Variants in PHF24 observed in about 807,000 individuals in gnomAD.
PHF24 encodes the protein PHD finger protein 24, also known as Galpha inhibitory interacting protein.
PHF24 carries 25 observed loss-of-function variants against 42.6 expected under a neutral mutation model. The ratio of observed to expected loss-of-function variants is 0.59; its 90% CI spans 0.43 to 0.82. The LOEUF is 0.82. Among genes scored for constraint, PHF24 ranks in the 40% least tolerant of loss-of-function variants. The pLI, the probability that PHF24 is intolerant of heterozygous loss-of-function variation, is 0.00. For missense variants in PHF24, 470 were observed against 538.1 expected (o/e 0.87, Z 1.25); for synonymous variants, 185 against 204.8 (o/e 0.90, Z 0.83).
the PHF24 span, among the ~76,000 whole-genome samples, chr9:34,883,956 G>A: frequency 1.3e-5 from 2 of 152,198 alleles, no homozygotes; most frequent in Non-Finnish European, 2.9e-5. Flanking sequence ...CAAAGACTTG[G>A]AACCAGCCCA....
the PHF24 span, among the ~76,000 whole-genome samples, chr9:34,863,415 C>CAGAGAG: frequency 6.9e-4 from 102 of 147,060 alleles, no homozygotes; most frequent in South Asian, 3.3e-3. Context: ...GCTGGCTCAT[C>CAGAGAG]AGAGAGAGAG....
the PHF24 span, among the ~76,000 whole-genome samples, chr9:34,815,864 G>A: frequency 6.6e-6 from 1 of 152,012 alleles, no homozygotes; most frequent in Non-Finnish European, 1.5e-5. Flanking sequence ...GATGAATATA[G>A]CAGTCTCATG....
the PHF24 span, chr9:34,665,717 C>T: frequency 1.0e-5 from 7 of 699,992 alleles, no homozygotes; most frequent in African/African-American, 7.0e-5. Flanking sequence ...GATTCCCTAG[C>T]CCCAGGTCCC....
At chr9:34,810,517 A>T in the PHF24 span, among the ~76,000 whole-genome samples, 20 of 152,120 alleles carry the variant, frequency 1.3e-4, no homozygotes, top group African/African-American at 4.8e-4. Context: ...ACCGCCTGGG[A>T]ACATAGGGGA....
the PHF24 span, among the ~76,000 whole-genome samples, chr9:34,700,635 G>A: frequency 6.6e-6 from 1 of 152,152 alleles, no homozygotes; most frequent in South Asian, 2.1e-4. Context: ...AGGTAGCTGG[G>A]ATGAGTCTGG....
the PHF24 span, among the ~76,000 whole-genome samples, chr9:34,763,214 G>GT: frequency 1.3e-5 from 2 of 151,568 alleles, no homozygotes; most frequent in Non-Finnish European, 2.9e-5. Flanking sequence ...CTTTAAAGTA[G>GT]TTTTTTCCAA....
At chr9:34,690,925 C>T in the PHF24 span, among the ~76,000 whole-genome samples, 12 of 152,308 alleles carry the variant, frequency 7.9e-5, no homozygotes, top group East Asian at 2.1e-3. Context: ...CCCACACTTA[C>T]AGGCACACAT....
At chr9:34,714,117 T>TGAGGTTTTCAGACTCAAGA in the PHF24 span, among the ~76,000 whole-genome samples, 1 of 152,124 alleles carries the variant, frequency 6.6e-6, no homozygotes, top group African/African-American at 2.4e-5. Flanking sequence ...CTCTTGAGTC[T>TGAGGTTTTCAGACTCAAGA]GAGGTTTTCA....
At chr9:34,924,681 G>A in the PHF24 span, among the ~76,000 whole-genome samples, 1 of 152,126 alleles carries the variant, frequency 6.6e-6, no homozygotes, top group East Asian at 1.9e-4. Context: ...GGTGAAGTGT[G>A]TTTCTTGTAG....
At chr9:34,815,234 A>G in the PHF24 span, among the ~76,000 whole-genome samples, 1 of 152,196 alleles carries the variant, frequency 6.6e-6, no homozygotes, top group African/African-American at 2.4e-5. Context: ...TCCCAAAACT[A>G]AAGCTATGTC....
chr9:34,737,910 A>AGT, the PHF24 span, among the ~76,000 whole-genome samples: 4 of 151,738 alleles, frequency 2.6e-5, no homozygotes, highest in African/African-American at 9.7e-5. Context: ...AATAGAAGAT[A>AGT]GTGTAAGCAT....
chr9:34,919,862 G>A, the PHF24 span, among the ~76,000 whole-genome samples: 3 of 152,062 alleles, frequency 2.0e-5, no homozygotes, highest in Non-Finnish European at 2.9e-5. Context: ...GTCCATCCAC[G>A]CTATTGCAAC....
chr9:34,910,489 T>C, the PHF24 span, among the ~76,000 whole-genome samples: 1 of 152,156 alleles, frequency 6.6e-6, no homozygotes, highest in Non-Finnish European at 1.5e-5. Flanking sequence ...GTATGTGAGG[T>C]AGTACAAATG....
the PHF24 span, among the ~76,000 whole-genome samples, chr9:34,810,144 G>A: frequency 2.0e-5 from 3 of 152,000 alleles, no homozygotes; most frequent in Admixed American, 1.3e-4. Context: ...GAGTCCGCCG[G>A]CCCCGGACGG....
intron 3 of PHF24, 67 bp from the exon 4 acceptor site, chr9:34,976,084 AG>A (rs1428127091): frequency 9.5e-7 from 1 of 1,047,436 alleles, no homozygotes; most frequent in Non-Finnish European, 1.5e-6. Context: ...TTCTATTTCT[AG>A]CCCCCTTGAC....
At chr9:34,773,411 G>C in the PHF24 span, among the ~76,000 whole-genome samples, 547 of 151,180 alleles carry the variant, frequency 3.6e-3, 7 homozygotes, top group Middle Eastern at 0.037. Flanking sequence ...TCTAGTGCCA[G>C]AAAGAAACAA....
At chr9:34,770,303 G>A in the PHF24 span, among the ~76,000 whole-genome samples, 1 of 152,076 alleles carries the variant, frequency 6.6e-6, no homozygotes, top group African/African-American at 2.4e-5. Flanking sequence ...TTATAAGATA[G>A]ATGCAAATTA....
the PHF24 span, among the ~76,000 whole-genome samples, chr9:34,847,092 T>C: frequency 6.6e-6 from 1 of 152,352 alleles, no homozygotes; most frequent in African/African-American, 2.4e-5. Flanking sequence ...GGCTCTTTTT[T>C]GGTTCCATAT....
At chr9:34,767,795 G>A in the PHF24 span, among the ~76,000 whole-genome samples, 5 of 152,228 alleles carry the variant, frequency 3.3e-5, no homozygotes, top group African/African-American at 7.2e-5. Flanking sequence ...CATCTTCTGC[G>A]TCGCTCACGC....
Sources: gnomAD v4.1 joint callset for allele counts (sites outside exome capture counted in the v4.1 genomes callset) on GRCh38, gnomAD v4.1.1 for gene constraint, MANE v1.5 for transcripts, NCBI Gene and HGNC (gene_info 2026-07-23, HGNC 2026-07-21) for gene names.